Variants in POP1 observed in about 807,000 individuals in gnomAD.
The protein encoded by POP1 is ribonucleases P/MRP protein subunit POP1.
A neutral mutation model predicts 102.2 loss-of-function variants in POP1; 75 were observed. The ratio of observed to expected loss-of-function variants is 0.73; its 90% confidence interval spans 0.61 to 0.89. The LOEUF (loss-of-function observed/expected upper bound fraction) is 0.89. POP1 is among the 40% of genes least tolerant of loss of function. The probability of loss-of-function intolerance (pLI) is 0.00; values close to 1 mark genes in which losing one functional copy is unlikely to be tolerated. For synonymous variants in POP1, 436 were observed against 464.1 expected (o/e 0.94, Z 0.78); for missense variants, 1,116 against 1,267.4 (o/e 0.88, Z 1.81).
chr8:98,135,001 G>A (rs1247332605), intron 7 of POP1, among the ~76,000 whole-genome samples: 2 of 152,036 alleles, frequency 1.3e-5, no homozygotes, highest in Admixed American at 6.6e-5. Context: ...GTCAGGGCGG[G>A]GCATGGTTTC....
intron 1 of POP1, among the ~76,000 whole-genome samples, chr8:98,118,933 G>A (rs35499247): frequency 0.31 from 46,807 of 151,828 alleles, 7,991 homozygotes; most frequent in South Asian, 0.4. Flanking sequence ...AGTAGCCTTG[G>A]ACTGGTATAT....
intron 7 of POP1, 27 bp from the exon 8 acceptor site, chr8:98,136,455 A>G: frequency 6.3e-7 from 1 of 1,582,722 alleles, no homozygotes; most frequent in Non-Finnish European, 8.6e-7. Context: ...TCAAGATTTT[A>G]AAGTGAATGT....
At chr8:98,124,145 T>C (rs959032332) in intron 2 of POP1, among the ~76,000 whole-genome samples, 8 of 152,324 alleles carry the variant, frequency 5.3e-5, no homozygotes, top group African/African-American at 1.7e-4. Flanking sequence ...CCAGCTCTCC[T>C]GGGGTTTGAA....
Position 98,159,601 on chromosome 8 carries a change from C to T in POP1, c.*1330C>T, listed in dbSNP as rs940189483. 1.3e-5 allele frequency: 2 copies of T among 151,574 alleles called. No homozygotes were observed. Among genetic ancestry groups the T allele is most frequent in the East Asian group, 3.9e-4 (2 of 5,186 alleles). The allele number at this position is 151,574 out of a possible 1,614,324, so 9.4% of individuals were successfully genotyped here. Reference sequence around the variant, plus strand: ...AGTTAGGCATTATTTTATGTAAATGCATTGGGTTTTTACTGTAGCATTTGG... The same window carrying T: ...AGTTAGGCATTATTTTATGTAAATGTATTGGGTTTTTACTGTAGCATTTGG... On this transcript the variant is annotated 3_prime_UTR_variant, in exon 16 of 16. Transcript: ENST00000401707.
chr8:98,126,012 A>ATT (rs769926677), intron 2 of POP1, among the ~76,000 whole-genome samples: 7 of 140,590 alleles, frequency 5.0e-5, no homozygotes, highest in Admixed American at 7.2e-5. Flanking sequence ...TGCCCAGCAA[A>ATT]TTTTTTTTTT....
rs1384578882 is a variant in POP1, at chr8:98,156,044, C to CT, written c.2058-3dup. ...AACATTGGTTCTCCTGTATGTTTTT[C>CT]TTTAGACGCCCTCCTGCAAAACGGC... On this transcript the variant is annotated splice_region_variant and splice_polypyrimidine_tract_variant and intron_variant, in intron 14 of 15. Transcript: ENST00000401707. 6.2e-7 allele frequency: 1 copy of CT among 1,610,014 alleles called. No individual in the cohort carries two copies.
In POP1 at chr8:98,127,592, T is replaced by A; in HGVS notation, c.143-3T>A. ...GACATGTTTCTTTTTGAAAATATAC[T>A]AGAGCCTCATCCTGGAACTTCACGA... is the stretch of plus-strand genomic sequence containing the variant. On this transcript the variant is annotated splice_polypyrimidine_tract_variant and splice_region_variant and intron_variant, in intron 2 of 15. Coordinates refer to ENST00000401707, the MANE Select transcript of POP1 (RefSeq NM_001145860.2). The A allele has an allele frequency of 6.2e-7, 1 of 1,614,142 alleles. No homozygotes were observed. Among genetic ancestry groups the A allele is most frequent in the Non-Finnish European group, 8.5e-7 (1 of 1,179,994 alleles).
chr8:98,136,405 A>G, intron 7 of POP1, 77 bp from the exon 8 acceptor site: 1 of 1,482,758 alleles, frequency 6.7e-7, no homozygotes, highest in Non-Finnish European at 9.1e-7. Context: ...GAGATTTAAA[A>G]AAAAAAACCC....
chr8:98,131,948 G>C (rs6468616), intron 5 of POP1, among the ~76,000 whole-genome samples: 84,238 of 151,972 alleles, frequency 0.55, 23,955 homozygotes, highest in South Asian at 0.75. Flanking sequence ...ACTTGCCTGG[G>C]CTCACACAGC....
Position 98,156,179 on chromosome 8 carries a change from A to G in POP1, c.2187A>G (p.Ser729=), listed in dbSNP as rs760035351. The change falls in exon 15 of 16, where the codon TCA becomes TCG. Residue 729 remains serine, a synonymous_variant. Coordinates refer to ENST00000401707, the MANE Select transcript of POP1 (RefSeq NM_001145860.2). The part of the protein sequence containing the change: ...VQAYEEPSVA[S]SPNGKESDLR... The stretch of plus-strand genomic sequence containing the variant: ...CTTACGAAGAACCTTCTGTAGCTTC[A>G]TCTCCAAATGGTAAGGAGAGTGACC... The G allele has an allele frequency of 6.2e-7, 1 of 1,614,084 alleles. No homozygotes were observed. Among genetic ancestry groups the G allele is most frequent in the Non-Finnish European group, 8.5e-7 (1 of 1,180,022 alleles).
At position 98,150,503 on chromosome 8, in the gene POP1, G is replaced by T; in HGVS notation, c.1921G>T (p.Val641Phe). The change falls in exon 14 of 16, where the codon GTC becomes TTC. Residue 641 changes from valine to phenylalanine, a missense_variant. By Grantham distance (50) the Val-to-Phe change is conservative. Transcript: ENST00000401707. ...WIPFIYRGVR[V>F]GGLKESAVHS... ...CTTTTAGATTTATCGAGGTGTGAGAGTCGGAGGGTTGAAAGAGTCTGCAGT... is the reference window on the plus strand; with the variant it reads ...CTTTTAGATTTATCGAGGTGTGAGATTCGGAGGGTTGAAAGAGTCTGCAGT... 1 of 1,614,100 alleles carries T rather than the reference G, an allele frequency of 6.2e-7. No individual in the cohort carries two copies. The highest frequency in any genetic ancestry group is 8.5e-7 in the Non-Finnish European group (1 of 1,180,022).
chr8:98,120,293 C>A (rs900518602), intron 1 of POP1, among the ~76,000 whole-genome samples: 1 of 152,202 alleles, frequency 6.6e-6, no homozygotes, highest in Non-Finnish European at 1.5e-5. Flanking sequence ...AGCTGTCTTT[C>A]ATTTAGTTGA....
chr8:98,156,485 G>A (rs1809651407), intron 15 of POP1, 73 bp downstream of exon 15: 38 of 1,574,422 alleles, frequency 2.4e-5, no homozygotes, highest in Middle Eastern at 4.5e-4. Flanking sequence ...GGATGTAAGC[G>A]TTATCACTGT....
chr8:98,122,895 T>C (rs888089668), intron 1 of POP1, among the ~76,000 whole-genome samples: 3 of 152,208 alleles, frequency 2.0e-5, no homozygotes, highest in African/African-American at 7.2e-5. Context: ...TTGTCCTTTA[T>C]CTTGCTTCAA....
chr8:98,129,471 A>G (rs926440188), intron 4 of POP1, among the ~76,000 whole-genome samples: 10 of 152,234 alleles, frequency 6.6e-5, no homozygotes, highest in Admixed American at 6.5e-4. Context: ...TTCTAGATTT[A>G]ATATAAAATC....
At chr8:98,154,246 C>T (rs560360581) in intron 14 of POP1, among the ~76,000 whole-genome samples, 2 of 152,336 alleles carry the variant, frequency 1.3e-5, no homozygotes, top group South Asian at 2.1e-4. Context: ...TGTGCTCTGC[C>T]ACTCGGGCTG....
rs971210312 is a variant in POP1, at chr8:98,156,109, G to A, written c.2117G>A (p.Cys706Tyr). ...CTTGGCACTCTGGCACCTTTCTGCT[G>A]TCCCTGGGAGCAGTTAACTCAAGAC... is the stretch of plus-strand genomic sequence containing the variant. ...VKLGTLAPFC[C>Y]PWEQLTQDWE... Residue 706 changes from cysteine (C) to tyrosine (Y), a missense_variant, in exon 15 of 16, where the codon TGT (cysteine) becomes TAT (tyrosine). Physicochemically the swap from Cys to Tyr is radical, Grantham distance 194 (BLOSUM62 -2). Coordinates refer to ENST00000401707, the MANE Select transcript of POP1 (RefSeq NM_001145860.2). The A allele has an allele frequency of 1.2e-6, 2 of 1,613,966 alleles. No homozygotes were observed. Among genetic ancestry groups the A allele is most frequent in the Non-Finnish European group, 1.7e-6 (2 of 1,180,020 alleles).
intron 11 of POP1, 60 bp downstream of exon 11, chr8:98,140,948 G>C: frequency 6.3e-7 from 1 of 1,588,858 alleles, no homozygotes; most frequent in Admixed American, 1.7e-5. Context: ...AGTCTTATTA[G>C]AAGAAGAGTT....
chr8:98,118,072 C>A (rs1444870520), intron 1 of POP1, among the ~76,000 whole-genome samples: 1 of 152,082 alleles, frequency 6.6e-6, no homozygotes, highest in Non-Finnish European at 1.5e-5. Context: ...GCCTTCCCTG[C>A]TTCCTAAAGA....
Sources: gnomAD v4.1 joint callset for allele counts (sites outside exome capture counted in the v4.1 genomes callset) on GRCh38, gnomAD v4.1.1 for gene constraint, MANE v1.5 for transcripts, NCBI Gene and HGNC (gene_info 2026-07-23, HGNC 2026-07-21) for gene names.